The following ATRNL1 variants were observed in gnomAD, a reference collection of about 807,000 sequenced individuals.
ATRNL1 encodes attractin like 1.
ATRNL1 carries 95 observed loss-of-function variants against 182.7 expected under a neutral mutation model. The observed-to-expected ratio is 0.52, with a 90% CI of 0.44 to 0.62. ATRNL1 has a LOEUF of 0.62. Ranked by LOEUF, ATRNL1 falls within the 20% of genes least tolerant of loss-of-function variation. The pLI is 0.00. For missense variants in ATRNL1, 1,471 were observed against 1,679.5 expected, an observed-to-expected ratio of 0.88 and a Z score of 2.17; for synonymous variants, 576 against 568.3, an observed-to-expected ratio of 1.01 and a Z score of -0.19.
At chr10:115,283,249 A>G (rs1479675988) in intron 14 of ATRNL1, among the ~76,000 whole-genome samples, 3 of 152,086 alleles carry the variant, frequency 2.0e-5, no homozygotes, top group Admixed American at 6.6e-5. Flanking sequence ...CCCCGTCTCT[A>G]CTAAAAATAC....
chr10:115,736,790 C>T (rs12766958), intron 27 of ATRNL1, among the ~76,000 whole-genome samples: 143,928 of 151,966 alleles, frequency 0.95, 68,638 homozygotes, highest in East Asian at 1. Flanking sequence ...TTTTTTGAGA[C>T]GGCGTCTTGC....
Position 115,469,175 on chromosome 10 carries a change from G to C in ATRNL1, c.3500G>C (p.Gly1167Ala), listed in dbSNP as rs781892380. 12 of 1,173,346 alleles carry C rather than the reference G, an allele frequency of 1.0e-5. No homozygotes were observed. The South Asian group carries it at 2.7e-4, about 26-fold the overall frequency. The allele number at this position is 1,173,346 out of a possible 1,614,324, so 72.7% of individuals were successfully genotyped here. Residue 1167 changes from glycine (G) to alanine (A), a missense_variant, in exon 24 of 29, where the codon GGA (glycine) becomes GCA (alanine). Coordinates refer to ENST00000355044, the MANE Select transcript of ATRNL1 (RefSeq NM_207303.4). ...ATTTAAATTATTTACATTTTAGCTG[G>C]AACAATATCTGGGGAAGAGACTTCT... ...NITWSVGSTA[G>A]TISGEETSIV...
chr10:115,867,884 G>GT (rs1951476286), intron 28 of ATRNL1, among the ~76,000 whole-genome samples: 1 of 152,004 alleles, frequency 6.6e-6, no homozygotes. Flanking sequence ...TCACAGGCAT[G>GT]TGCCACCACT....
chr10:115,762,661 T>G (rs996724870), intron 27 of ATRNL1, among the ~76,000 whole-genome samples: 4 of 152,082 alleles, frequency 2.6e-5, no homozygotes, highest in Non-Finnish European at 5.9e-5. Flanking sequence ...CCATAAATAG[T>G]ATATAACATT....
chr10:115,160,975 TA>T (rs1846757334), intron 6 of ATRNL1, among the ~76,000 whole-genome samples: 1 of 151,954 alleles, frequency 6.6e-6, no homozygotes, highest in Non-Finnish European at 1.5e-5. Flanking sequence ...ATATACAGGA[TA>T]CCCAGTTAAA....
intron 21 of ATRNL1, among the ~76,000 whole-genome samples, chr10:115,439,190 T>C (rs1554965251): frequency 1.3e-5 from 2 of 151,826 alleles, no homozygotes; most frequent in African/African-American, 4.8e-5. Flanking sequence ...TCATGTTGAG[T>C]AGACTGAGGA....
At chr10:115,456,746 T>C (rs1847544027) in intron 21 of ATRNL1, among the ~76,000 whole-genome samples, 1 of 152,142 alleles carries the variant, frequency 6.6e-6, no homozygotes, top group Non-Finnish European at 1.5e-5. Flanking sequence ...AAAACTCTAA[T>C]ACAGTATCAA....
chr10:115,246,075 G>A (rs1283197392), intron 10 of ATRNL1, among the ~76,000 whole-genome samples: 1 of 152,086 alleles, frequency 6.6e-6, no homozygotes, highest in Non-Finnish European at 1.5e-5. Flanking sequence ...CTTTTATTTT[G>A]AGGAAAGGAT....
rs376788082 is a variant in ATRNL1, at chr10:115,538,384, C to A, written c.3717-11074C>A. 1.7e-4 allele frequency among the ~76,000 whole-genome samples: 26 copies of A among 152,276 alleles called. No individual in the cohort carries two copies. In the South Asian group the frequency reaches 5.2e-3, roughly 30 times the overall value. ...GTCCTGTCAACATTTTTTATTTTAG[C>A]CATTCTGATAAATGTGTAGTGGTAT... On this transcript the variant is annotated intron_variant, in intron 25 of 28. Coordinates refer to ENST00000355044, the MANE Select transcript of ATRNL1 (RefSeq NM_207303.4).
intron 26 of ATRNL1, among the ~76,000 whole-genome samples, chr10:115,614,810 A>G (rs1399497389): frequency 6.6e-6 from 1 of 152,136 alleles, no homozygotes; most frequent in Non-Finnish European, 1.5e-5. Context: ...GACTTAAAAT[A>G]TCTATTTTGT....
chr10:115,307,211 GA>G (rs1281889980), intron 17 of ATRNL1, among the ~76,000 whole-genome samples: 1 of 152,108 alleles, frequency 6.6e-6, no homozygotes, highest in Non-Finnish European at 1.5e-5. Flanking sequence ...CATTTGTGCT[GA>G]TAATGTCCAA....
intron 27 of ATRNL1, among the ~76,000 whole-genome samples, chr10:115,797,999 G>A (rs1555083419): frequency 6.6e-6 from 1 of 152,010 alleles, no homozygotes; most frequent in Non-Finnish European, 1.5e-5. Context: ...CTCACTGCAA[G>A]CTCTGCCTCC....
At chr10:115,812,005 A>G (rs1555087106) in intron 27 of ATRNL1, among the ~76,000 whole-genome samples, 2 of 152,112 alleles carry the variant, frequency 1.3e-5, no homozygotes, top group African/African-American at 4.8e-5. Flanking sequence ...TTTTATGGTA[A>G]AATACACATG....
chr10:115,516,831 C>T (rs1850663956), intron 24 of ATRNL1, among the ~76,000 whole-genome samples: 1 of 151,890 alleles, frequency 6.6e-6, no homozygotes, highest in Non-Finnish European at 1.5e-5. Context: ...TCATATATCA[C>T]CCCTTTAGTG....
intron 26 of ATRNL1, among the ~76,000 whole-genome samples, chr10:115,719,759 T>A (rs1292027437): frequency 6.6e-6 from 1 of 152,022 alleles, no homozygotes; most frequent in Non-Finnish European, 1.5e-5. Context: ...ATACAAAGCT[T>A]AACTGATTTG....
At chr10:115,940,672 ACTCTCT>A (rs144547639) in intron 28 of ATRNL1, among the ~76,000 whole-genome samples, 13 of 128,914 alleles carry the variant, frequency 1.0e-4, no homozygotes, top group Admixed American at 5.1e-4. Context: ...GACAGAGATT[ACTCTCT>A]CTCTCTCTCT....
chr10:115,557,298 G>A (rs1289817897), intron 26 of ATRNL1, among the ~76,000 whole-genome samples: 1 of 152,110 alleles, frequency 6.6e-6, no homozygotes, highest in African/African-American at 2.4e-5. Flanking sequence ...AGCTAAATTT[G>A]GGAATCTCAG....
chr10:115,503,199 G>A (rs567253495), intron 24 of ATRNL1, among the ~76,000 whole-genome samples: 5 of 152,178 alleles, frequency 3.3e-5, no homozygotes, highest in East Asian at 3.9e-4. Flanking sequence ...ATTAATTTTA[G>A]TTATTTTCCT....
intron 26 of ATRNL1, among the ~76,000 whole-genome samples, chr10:115,618,909 A>G (rs1246817659): frequency 6.6e-6 from 1 of 152,116 alleles, no homozygotes; most frequent in Non-Finnish European, 1.5e-5. Flanking sequence ...TTGTGTTCAT[A>G]CCTGGATGTC....
Sources: gnomAD v4.1 joint callset for allele counts (sites outside exome capture counted in the v4.1 genomes callset) on GRCh38, gnomAD v4.1.1 for gene constraint, MANE v1.5 for transcripts, NCBI Gene and HGNC (gene_info 2026-07-23, HGNC 2026-07-21) for gene names.